The following SH3D19 variants were observed in gnomAD, a reference collection of about 807,000 sequenced individuals.
The protein encoded by SH3D19 is SH3 domain-containing protein 19.
SH3D19 carries 58 observed loss-of-function variants against 112.1 expected under a neutral mutation model. The ratio of observed to expected loss-of-function variants is 0.52; its 90% CI spans 0.42 to 0.64. SH3D19 has a LOEUF of 0.64. Among genes scored for constraint, SH3D19 ranks in the 30% least tolerant of loss-of-function variants. The pLI is 0.00. For missense variants in SH3D19, 1,090 were observed against 1,263.4 expected (o/e 0.86, Z 2.08); for synonymous variants, 391 against 448.5 (o/e 0.87, Z 1.62).
At chr4:151,222,779 TCTC>T (rs1768310775) in intron 2 of SH3D19, among the ~76,000 whole-genome samples, 1 of 149,296 alleles carries the variant, frequency 6.7e-6, no homozygotes, top group African/African-American at 2.4e-5. Flanking sequence ...TTCAAGTAAT[TCTC>T]CTGCCTTGGC....
At position 151,325,354 on chromosome 4, in the gene SH3D19, GGCGAGGC is replaced by G; in HGVS notation, c.-9_-3del. The G allele has an allele frequency of 8.3e-7, 1 of 1,207,448 alleles. No individual in the cohort carries two copies. Among genetic ancestry groups the G allele is most frequent in the Non-Finnish European group, 1.0e-6 (1 of 971,668 alleles). 74.8% of individuals were successfully genotyped at this position (1,207,448 alleles called of 1,614,324 possible). ...CTCCCGCCGCCGGCCCTCAGCCATG[GGCGAGGC>G]GCGGGGCGCAGCCGCGGGATGGCCA... is the stretch of plus-strand genomic sequence containing the variant. On this transcript the variant is annotated 5_prime_UTR_variant, in exon 1 of 20. Coordinates refer to ENST00000604030, the MANE Select transcript of SH3D19 (RefSeq NM_001378122.1).
chr4:151,272,330 T>C (rs1033128668), intron 1 of SH3D19, among the ~76,000 whole-genome samples: 1 of 152,102 alleles, frequency 6.6e-6, no homozygotes, highest in Non-Finnish European at 1.5e-5. Flanking sequence ...AATAAGGTAA[T>C]ACAGCCATAC....
rs1278198845 is a variant in SH3D19 at position 151,325,551 on chromosome 4, C to G, written c.-199G>C. 3.5e-6 allele frequency: 1 copy of G among 289,174 alleles called. No individual in the cohort carries two copies. Among genetic ancestry groups the G allele is most frequent in the Non-Finnish European group, 6.4e-6 (1 of 157,142 alleles). The allele number at this position is 289,174 out of a possible 1,614,324, so 17.9% of individuals were successfully genotyped here. A position where few individuals can be genotyped will look rare whatever the true frequency, so the allele number is the denominator to read the frequency against. On this transcript the variant is annotated 5_prime_UTR_variant, in exon 1 of 20. Coordinates refer to ENST00000604030, the MANE Select transcript of SH3D19 (RefSeq NM_001378122.1). ...CAGCCGGCCGGGCAGCGGCAGGGCG[C>G]GGGCCGAGCCGATTCCCCGCCTCCT...
At chr4:151,132,431 G>A (rs774226644) in intron 16 of SH3D19, 48 bp from the exon 17 acceptor site, 2 of 1,535,928 alleles carry the variant, frequency 1.3e-6, no homozygotes, top group South Asian at 1.1e-5. Flanking sequence ...CATTAGATGT[G>A]AAGGCCACAT....
intron 12 of SH3D19, among the ~76,000 whole-genome samples, chr4:151,142,078 T>C (rs1753104927): frequency 6.6e-6 from 1 of 152,192 alleles, no homozygotes; most frequent in East Asian, 1.9e-4. Context: ...AAATATAACA[T>C]AATGCAAAGG....
intron 8 of SH3D19, among the ~76,000 whole-genome samples, chr4:151,159,710 C>T (rs1238722841): frequency 6.6e-6 from 1 of 152,132 alleles, no homozygotes; most frequent in Non-Finnish European, 1.5e-5. Context: ...GTAGCTACAT[C>T]TGATGATTTA....
rs1756995550 is a variant in SH3D19, at chr4:151,160,676, T to TCC, written c.1643-1325_1643-1324insGG. Reference sequence around the variant, plus strand: ...ATGAGCAGATGAGCACTCTGTCTCTTTCTCTCTCTTTTTTTTTTTTTCAAA... The same window carrying TCC: ...ATGAGCAGATGAGCACTCTGTCTCTTCCTCTCTCTCTTTTTTTTTTTTTCAAA... On this transcript the variant is annotated intron_variant, in intron 8 of 19. Coordinates refer to ENST00000604030, the MANE Select transcript of SH3D19 (RefSeq NM_001378122.1). Among the ~76,000 whole-genome samples the TCC allele has an allele frequency of 5.9e-5, 4 of 68,274 alleles. No individual in the cohort carries two copies. The Admixed American group carries it at 8.2e-4, about 14-fold the overall frequency. The allele number at this position is 68,274 out of a possible 152,430, so 44.8% of individuals were successfully genotyped here. A position where few individuals can be genotyped will look rare whatever the true frequency, so the allele number is the denominator to read the frequency against.
At chr4:151,265,366 AAAG>A (rs1320116646) in intron 1 of SH3D19, among the ~76,000 whole-genome samples, 1 of 151,834 alleles carries the variant, frequency 6.6e-6, no homozygotes, top group East Asian at 1.9e-4. Flanking sequence ...AAAAAAAAAA[AAAG>A]AGGATAGAAT....
At chr4:151,153,259 T>C (rs374267114) in intron 9 of SH3D19, among the ~76,000 whole-genome samples, 1 of 152,114 alleles carries the variant, frequency 6.6e-6, no homozygotes, top group Non-Finnish European at 1.5e-5. Flanking sequence ...TCTTTTTTTA[T>C]TTTTTAGAGA....
chr4:151,143,281 G>C (rs1372469811), intron 12 of SH3D19, among the ~76,000 whole-genome samples: 1 of 151,548 alleles, frequency 6.6e-6, no homozygotes, highest in Non-Finnish European at 1.5e-5. Context: ...TTTCACAAAG[G>C]AAAGCTTTTT....
intron 1 of SH3D19, chr4:151,279,758 C>T (rs750721118): frequency 3.4e-5 from 54 of 1,600,340 alleles, no homozygotes; most frequent in Middle Eastern, 1.7e-4. Flanking sequence ...AAACAGGACT[C>T]CTAGGTTTCC....
chr4:151,282,535 G>T, intron 1 of SH3D19: 3 of 931,352 alleles, frequency 3.2e-6, no homozygotes, highest in South Asian at 3.6e-5. Context: ...TCAATCTAAT[G>T]ATATTATCTA....
chr4:151,127,066 T>C (rs1749563463), intron 19 of SH3D19, among the ~76,000 whole-genome samples: 1 of 151,724 alleles, frequency 6.6e-6, no homozygotes, highest in African/African-American at 2.4e-5. Flanking sequence ...CCTGCCACCA[T>C]GCCCAGCTAA....
rs369878668 is a variant in SH3D19 at position 151,175,357 on chromosome 4, T to G, written c.847A>C (p.Ile283Leu). ...STSDSQAVMN[I>L]MNTEQSQNSI... ...TTTTGGCTTTGTTCTGTGTTCATAA[T>G]GTTCATCACTGCCTGACTGTCTGAG... Residue 283 changes from isoleucine to leucine, a missense_variant, in exon 7 of 20, where the codon ATT (isoleucine) becomes CTT (leucine). Transcript: ENST00000604030. The G allele has an allele frequency of 6.2e-7, 1 of 1,605,576 alleles. No homozygotes were observed. The highest frequency in any genetic ancestry group is 8.5e-7 in the Non-Finnish European group (1 of 1,175,808).
At chr4:151,242,705 C>T (rs1369846888) in intron 1 of SH3D19, among the ~76,000 whole-genome samples, 4 of 152,104 alleles carry the variant, frequency 2.6e-5, no homozygotes, top group Non-Finnish European at 5.9e-5. Context: ...TTATATAATT[C>T]TTTATACCCT....
intron 19 of SH3D19, among the ~76,000 whole-genome samples, chr4:151,126,728 G>A (rs1419404177): frequency 2.0e-5 from 3 of 149,138 alleles, no homozygotes; most frequent in African/African-American, 7.4e-5. Flanking sequence ...GAACCGGGAG[G>A]TGGAGCTTGC....
intron 1 of SH3D19, among the ~76,000 whole-genome samples, chr4:151,294,972 C>T (rs902985730): frequency 1.3e-5 from 2 of 151,946 alleles, no homozygotes; most frequent in African/African-American, 4.8e-5. Context: ...AAGGTGCGGT[C>T]GAGTAAACAG....
intron 1 of SH3D19, among the ~76,000 whole-genome samples, chr4:151,285,987 G>T (rs1481369336): frequency 6.6e-6 from 1 of 150,508 alleles, no homozygotes; most frequent in Non-Finnish European, 1.5e-5. Flanking sequence ...TTTCAGCCCA[G>T]GAGTTCGAGA....
Position 151,267,205 on chromosome 4 carries a change from C to T in SH3D19, c.113-41119G>A, listed in dbSNP as rs753840061. 7.9e-5 allele frequency among the ~76,000 whole-genome samples: 12 copies of T among 150,954 alleles called. No homozygotes were observed. In the South Asian group the frequency reaches 8.5e-4, roughly 11 times the overall value. On this transcript the variant is annotated intron_variant, in intron 1 of 19. Transcript: ENST00000604030. ...AATAAATTAGTCTAGCATAGTGGCA[C>T]GTGCCTGTAGTCCCAGCTACTCATG...
Sources: gnomAD v4.1 joint callset for allele counts (sites outside exome capture counted in the v4.1 genomes callset) on GRCh38, gnomAD v4.1.1 for gene constraint, MANE v1.5 for transcripts, NCBI Gene and HGNC (gene_info 2026-07-23, HGNC 2026-07-21) for gene names.